Variants in PTPRD observed in about 807,000 individuals in gnomAD.
PTPRD encodes protein tyrosine phosphatase receptor type D.
A neutral mutation model predicts 214.5 loss-of-function variants in PTPRD; 34 were observed. That is an observed-to-expected ratio of 0.16 (90% CI 0.12 to 0.21). The LOEUF (loss-of-function observed/expected upper bound fraction) is 0.21. Among genes scored for constraint, PTPRD ranks in the 10% least tolerant of loss-of-function variants. The pLI is 1.00. For synonymous variants in PTPRD, 1,128 were observed against 845.7 expected, an observed-to-expected ratio of 1.33 and a Z score of -5.79; for missense variants, 2,545 against 2,398.7, an observed-to-expected ratio of 1.06 and a Z score of -1.27.
Position 9,159,314 on chromosome 9 carries a change from G to T in PTPRD, c.-143+23990C>A, listed in dbSNP as rs947980830. Reference sequence around the variant, plus strand: ...GAGAAATAGCAAATAGAGACTATCTGCTGAAGACTCCACCATAAAGCTGTT... The same window carrying T: ...GAGAAATAGCAAATAGAGACTATCTTCTGAAGACTCCACCATAAAGCTGTT... On this transcript the variant is annotated intron_variant, in intron 10 of 45. Coordinates refer to ENST00000381196, the MANE Select transcript of PTPRD (RefSeq NM_002839.4). Among the ~76,000 whole-genome samples, 4 of 152,148 alleles carry T rather than the reference G, an allele frequency of 2.6e-5. No homozygotes were observed. The East Asian group carries it at 5.8e-4, about 22-fold the overall frequency.
At chr9:9,507,234 G>C (rs1179866301) in intron 8 of PTPRD, among the ~76,000 whole-genome samples, 3 of 151,082 alleles carry the variant, frequency 2.0e-5, no homozygotes, top group Non-Finnish European at 4.4e-5. Context: ...AAGAAGCAAG[G>C]ATATACAATA....
intron 11 of PTPRD, among the ~76,000 whole-genome samples, chr9:9,011,188 T>C (rs1401733482): frequency 6.6e-6 from 1 of 151,472 alleles, no homozygotes; most frequent in Non-Finnish European, 1.5e-5. Flanking sequence ...GTGGGGGGAG[T>C]CTTTTCAGGA....
rs79405727 is a variant in PTPRD, at chr9:9,101,387, T to C, written c.-143+81917A>G. 5.4e-3 allele frequency among the ~76,000 whole-genome samples: 829 copies of C among 152,242 alleles called. 8 individuals carry two copies. The highest frequency in any genetic ancestry group is 0.019 in the African/African-American group (785 of 41,538). ...TCTTGAATGAACAGTACGATTTTTC[T>C]GGCAGCTCTATAAAAATACACCTGT... On this transcript the variant is annotated intron_variant, in intron 10 of 45. Transcript: ENST00000381196.
chr9:8,814,961 T>G (rs1411018097), intron 11 of PTPRD, among the ~76,000 whole-genome samples: 1 of 152,158 alleles, frequency 6.6e-6, no homozygotes, highest in Non-Finnish European at 1.5e-5. Flanking sequence ...ATGTGCAAAT[T>G]TTGTCTGAAA....
Position 8,750,453 on chromosome 9 carries a change from C to T in PTPRD, c.-103-16507G>A, listed in dbSNP as rs554685861. Among the ~76,000 whole-genome samples, 4 of 150,398 alleles carry T rather than the reference C, an allele frequency of 2.7e-5. No individual in the cohort carries two copies. In the South Asian group the frequency reaches 8.3e-4, roughly 31 times the overall value. On this transcript the variant is annotated intron_variant, in intron 11 of 45. Transcript: ENST00000381196. ...GATTACAGGCATGAGCCACCATGCC[C>T]GGCCAAGTAAGTTTTTTTTAAGGTA...
intron 2 of PTPRD, among the ~76,000 whole-genome samples, chr9:10,596,268 T>A (rs2076600852): frequency 6.6e-6 from 1 of 151,704 alleles, no homozygotes; most frequent in Non-Finnish European, 1.5e-5. Flanking sequence ...AGACAGAACT[T>A]ACATTGAACA....
chr9:9,942,950 G>A (rs1304660083), intron 4 of PTPRD, among the ~76,000 whole-genome samples: 1 of 144,342 alleles, frequency 6.9e-6, no homozygotes, highest in Admixed American at 6.9e-5. Context: ...TCCCATATAT[G>A]AAAACTGAAA....
At chr9:9,965,452 C>T (rs1311299937) in intron 4 of PTPRD, among the ~76,000 whole-genome samples, 1 of 152,114 alleles carries the variant, frequency 6.6e-6, no homozygotes, top group South Asian at 2.1e-4. Flanking sequence ...GCTTAGAGCA[C>T]TTGTCGGGGA....
At chr9:8,835,541 T>C (rs2097400025) in intron 11 of PTPRD, among the ~76,000 whole-genome samples, 2 of 152,148 alleles carry the variant, frequency 1.3e-5, no homozygotes, top group Non-Finnish European at 2.9e-5. Flanking sequence ...TTTGTTGTTG[T>C]TGCTGTTGAG....
At chr9:9,248,557 T>C (rs940675804) in intron 9 of PTPRD, among the ~76,000 whole-genome samples, 5 of 151,944 alleles carry the variant, frequency 3.3e-5, no homozygotes, top group African/African-American at 1.2e-4. Flanking sequence ...TGTCTTAGAG[T>C]TTTAGAGTAA....
intron 7 of PTPRD, among the ~76,000 whole-genome samples, chr9:9,725,769 G>C (rs2098078206): frequency 6.6e-6 from 1 of 152,182 alleles, no homozygotes; most frequent in Admixed American, 6.6e-5. Flanking sequence ...GTGAAAATTA[G>C]TGACAAATTA....
At chr9:8,740,871 A>G (rs1037191721) in intron 11 of PTPRD, among the ~76,000 whole-genome samples, 2 of 152,200 alleles carry the variant, frequency 1.3e-5, no homozygotes, top group Non-Finnish European at 2.9e-5. Flanking sequence ...TAAGCACACA[A>G]TGATTCTTTG....
intron 4 of PTPRD, among the ~76,000 whole-genome samples, chr9:9,965,885 G>A (rs912740654): frequency 5.3e-5 from 8 of 152,186 alleles, no homozygotes; most frequent in Non-Finnish European, 8.8e-5. Flanking sequence ...ATGCATATTA[G>A]CATGTCTCTT....
At chr9:8,593,807 C>A (rs2094293643) in intron 14 of PTPRD, among the ~76,000 whole-genome samples, 2 of 152,120 alleles carry the variant, frequency 1.3e-5, no homozygotes, top group Non-Finnish European at 1.5e-5. Flanking sequence ...TGGCAAATGG[C>A]CTCCAGAGAA....
chr9:10,227,431 A>G (rs1214306035), intron 3 of PTPRD, among the ~76,000 whole-genome samples: 2 of 151,978 alleles, frequency 1.3e-5, no homozygotes, highest in African/African-American at 2.4e-5. Context: ...AATAACTTCT[A>G]TTACCTAATT....
chr9:8,818,200 T>C (rs923063260), intron 11 of PTPRD, among the ~76,000 whole-genome samples: 3 of 152,102 alleles, frequency 2.0e-5, no homozygotes, highest in Non-Finnish European at 4.4e-5. Context: ...ATCACTTTAA[T>C]TGACTTTAAA....
chr9:8,854,174 A>G (rs1024743818), intron 11 of PTPRD, among the ~76,000 whole-genome samples: 46 of 152,160 alleles, frequency 3.0e-4, no homozygotes, highest in African/African-American at 1.1e-3. Flanking sequence ...AAAAGGTACC[A>G]TGATTAAAGG....
chr9:10,149,725 T>C (rs1347989138), intron 3 of PTPRD, among the ~76,000 whole-genome samples: 3 of 151,464 alleles, frequency 2.0e-5, no homozygotes, highest in Non-Finnish European at 2.9e-5. Context: ...TACCTTGTCT[T>C]TTTTTTTCTT....
intron 9 of PTPRD, among the ~76,000 whole-genome samples, chr9:9,194,900 G>A (rs184630211): frequency 6.6e-6 from 1 of 151,812 alleles, no homozygotes; most frequent in Admixed American, 6.6e-5. Flanking sequence ...TCTTTAGTAA[G>A]TCAGTGACAC....
Sources: allele counts gnomAD v4.1 joint callset (sites outside exome capture counted in the v4.1 genomes callset), GRCh38; gene constraint gnomAD v4.1.1; transcripts MANE v1.5; gene names NCBI Gene and HGNC (gene_info 2026-07-23, HGNC 2026-07-21).